The following POLE2 variants were observed in gnomAD, a reference collection of about 807,000 sequenced individuals.
POLE2 encodes DNA polymerase epsilon 2, accessory subunit, also known as DNA polymerase epsilon subunit 2.
In POLE2, 56 loss-of-function variants were observed where a neutral mutation model predicts 79.4. The observed-to-expected ratio is 0.71, with a 90% CI of 0.57 to 0.88. POLE2 has a LOEUF of 0.88. Among genes scored for constraint, POLE2 ranks in the 40% least tolerant of loss-of-function variants. The pLI is 0.00. For synonymous variants in POLE2, 212 were observed against 214.0 expected, an observed-to-expected ratio of 0.99 and a Z score of 0.08; for missense variants, 598 against 638.9, an observed-to-expected ratio of 0.94 and a Z score of 0.69.
chr14:49,646,529 G>A (rs1335582242), intron 18 of POLE2: 1 of 151,822 alleles, frequency 6.6e-6, no homozygotes, highest in East Asian at 1.9e-4. Flanking sequence ...CACCATGTTG[G>A]TCAGGCTGGT....
rs865807175 is a variant in POLE2, at chr14:49,688,154, C to T, written c.50G>A (p.Arg17Gln). The T allele has an allele frequency of 1.9e-6, 3 of 1,556,770 alleles. No individual in the cohort carries two copies. Among genetic ancestry groups the T allele is most frequent in the East Asian group, 2.5e-5 (1 of 39,762 alleles). Residue 17 changes from arginine (R) to glutamine (Q), a missense_variant, in exon 1 of 19, where the codon CGG becomes CAG. Physicochemically the swap from Arg to Gln is conservative, Grantham distance 43 (BLOSUM62 1). Coordinates refer to ENST00000216367, the MANE Select transcript of POLE2 (RefSeq NM_002692.4). ...RSRALSAFKL[R>Q]GLLLRGEAIK... ...CACTCACCCACGGAGCAGCAAGCCC[C>T]GCAACTTGAAGGCGGAGAGCGCCCG...
intron 7 of POLE2, 109 bp from the exon 8 acceptor site, chr14:49,665,272 T>C: frequency 1.6e-6 from 1 of 629,114 alleles, no homozygotes; most frequent in Non-Finnish European, 2.9e-6. Flanking sequence ...GAAAGTGGAT[T>C]TTAAAAATCA....
intron 17 of POLE2, among the ~76,000 whole-genome samples, chr14:49,649,847 A>G (rs1162391299): frequency 6.6e-6 from 1 of 152,204 alleles, no homozygotes; most frequent in African/African-American, 2.4e-5. Context: ...AATATGTACC[A>G]ATGAGGTTTC....
rs527830667 is a variant in POLE2, at chr14:49,667,025, A to G, written c.493-612T>C. On this transcript the variant is annotated intron_variant, in intron 6 of 18. Transcript: ENST00000216367. The stretch of plus-strand genomic sequence containing the variant: ...ACCATGGTGAAATCCTGTCTCTACT[A>G]AAAATACAAAAAATTAGCCAGGCAT... Among the ~76,000 whole-genome samples, 6 of 152,094 alleles carry G rather than the reference A, an allele frequency of 3.9e-5. No individual in the cohort carries two copies. In the South Asian group the frequency reaches 1.2e-3, roughly 32 times the overall value.
chr14:49,665,372 A>G (rs1219528062), intron 7 of POLE2, among the ~76,000 whole-genome samples: 2 of 152,182 alleles, frequency 1.3e-5, no homozygotes, highest in Non-Finnish European at 2.9e-5. Context: ...TCACAGGTAC[A>G]ATGGAGAATG....
At chr14:49,672,022 G>A (rs2139666377) in intron 5 of POLE2, among the ~76,000 whole-genome samples, 1 of 152,256 alleles carries the variant, frequency 6.6e-6, no homozygotes, top group South Asian at 2.1e-4. Context: ...CCAGAAAGGA[G>A]GAATCTGAGA....
At chr14:49,682,004 CTTT>C (rs1157649284) in intron 2 of POLE2, 7 of 132,968 alleles carry the variant, frequency 5.3e-5, no homozygotes, top group Admixed American at 1.5e-4. Flanking sequence ...TCCACTTATT[CTTT>C]TTTTTTTTTT....
intron 3 of POLE2, 69 bp from the exon 4 acceptor site, chr14:49,674,496 C>T (rs1334584028): frequency 1.1e-6 from 1 of 882,790 alleles, no homozygotes; most frequent in African/African-American, 1.7e-5. Flanking sequence ...AACATGATAA[C>T]TTGCATTATA....
At chr14:49,649,808 T>C (rs1171769929) in intron 17 of POLE2, among the ~76,000 whole-genome samples, 2 of 152,192 alleles carry the variant, frequency 1.3e-5, no homozygotes, top group African/African-American at 4.8e-5. Context: ...TGAAGCAATT[T>C]CAAGGTTCTA....
At chr14:49,676,581 G>C (rs891845885) in intron 3 of POLE2, among the ~76,000 whole-genome samples, 3 of 152,218 alleles carry the variant, frequency 2.0e-5, no homozygotes, top group Non-Finnish European at 1.5e-5. Flanking sequence ...ATGTAGGCTG[G>C]CTATAACATA....
intron 17 of POLE2, among the ~76,000 whole-genome samples, chr14:49,647,676 T>A (rs1013210579): frequency 6.6e-6 from 1 of 152,186 alleles, no homozygotes; most frequent in Non-Finnish European, 1.5e-5. Flanking sequence ...CAGGCTAGTC[T>A]TGAACTCTTG....
chr14:49,683,494 C>T (rs531761355), intron 2 of POLE2, 99 bp downstream of exon 2: 27 of 626,368 alleles, frequency 4.3e-5, no homozygotes, highest in Non-Finnish European at 6.5e-5. Context: ...ACTGGGACAT[C>T]TTAATAGTGA....
rs777999673 is a variant in POLE2, at chr14:49,650,133, AACTT to A, written c.1497+128_1497+131del. On this transcript the variant is annotated intron_variant, in intron 17 of 18. Transcript: ENST00000216367. ...TGTATACCAACTTTCTGTGTATAGA[AACTT>A]AATTCAGTGTTTCACTAATAGCATA... The A allele has an allele frequency of 6.0e-5, 29 of 485,236 alleles. No homozygotes were observed. In the South Asian group the frequency reaches 2.0e-3, roughly 33 times the overall value. 30.1% of individuals were successfully genotyped at this position (485,236 alleles called of 1,614,324 possible). A position where few individuals can be genotyped will look rare whatever the true frequency, so the allele number is the denominator to read the frequency against.
chr14:49,670,144 C>T (rs769079483), intron 5 of POLE2, among the ~76,000 whole-genome samples: 1 of 151,810 alleles, frequency 6.6e-6, no homozygotes, highest in Non-Finnish European at 1.5e-5. Context: ...AGTGAAACCA[C>T]GTCTCTACCA....
chr14:49,644,457 C>T (rs532509270), intron 18 of POLE2, among the ~76,000 whole-genome samples: 52 of 150,602 alleles, frequency 3.5e-4, no homozygotes, highest in African/African-American at 1.2e-3. Context: ...TTGCAGTGAG[C>T]TGAGATTGCG....
chr14:49,651,314 T>C lies in POLE2; in HGVS notation c.1275A>G (p.Arg425=). 3.1e-6 allele frequency: 5 copies of C among 1,606,174 alleles called. No homozygotes were observed. The highest frequency in any genetic ancestry group is 4.3e-6 in the Non-Finnish European group (5 of 1,173,454). Residue 425 remains arginine (R), a synonymous_variant, in exon 16 of 19, where the codon AGA becomes AGG. Transcript: ENST00000216367. ...TGCTGCTAGGAAAACGGACGCAGTT[T>C]CTGCACATTTTATTTACTAAGTCTT... ...FREDLVNKMC[R]NCVRFPSSNL...
intron 10 of POLE2, among the ~76,000 whole-genome samples, chr14:49,656,324 C>G (rs2139628225): frequency 6.6e-6 from 1 of 150,900 alleles, no homozygotes; most frequent in Non-Finnish European, 1.5e-5. Flanking sequence ...CCACTGCACT[C>G]CAACCTGGGC....
intron 17 of POLE2, among the ~76,000 whole-genome samples, chr14:49,648,968 C>T (rs1883982165): frequency 6.6e-6 from 1 of 151,476 alleles, no homozygotes; most frequent in South Asian, 2.1e-4. Flanking sequence ...CTAGAAATTA[C>T]TCAGATGAAA....
At chr14:49,681,607 C>G (rs1185801151) in intron 2 of POLE2, among the ~76,000 whole-genome samples, 2 of 152,110 alleles carry the variant, frequency 1.3e-5, no homozygotes, top group South Asian at 4.1e-4. Context: ...AACCCTGTCT[C>G]TACCAAAAAT....
Sources: gnomAD v4.1 joint callset for allele counts (sites outside exome capture counted in the v4.1 genomes callset) on GRCh38, gnomAD v4.1.1 for gene constraint, MANE v1.5 for transcripts, NCBI Gene and HGNC (gene_info 2026-07-23, HGNC 2026-07-21) for gene names.